Variants in SFSWAP observed in about 807,000 individuals in gnomAD.
SFSWAP encodes splicing factor SWAP.
In SFSWAP, 17 loss-of-function variants were observed where a neutral mutation model predicts 100.7. The ratio of observed to expected loss-of-function variants is 0.17; its 90% CI spans 0.12 to 0.25. The LOEUF is 0.25. Ranked by LOEUF, SFSWAP falls within the 10% of genes least tolerant of loss-of-function variation. SFSWAP has a pLI of 1.00. For missense variants in SFSWAP, 1,005 were observed against 1,262.6 expected, an observed-to-expected ratio of 0.80 and a Z score of 3.09; for synonymous variants, 504 against 510.1, an observed-to-expected ratio of 0.99 and a Z score of 0.16.
intron 7 of SFSWAP, among the ~76,000 whole-genome samples, chr12:131,740,378 G>A (rs562555979): frequency 1.1e-4 from 16 of 152,330 alleles, no homozygotes; most frequent in African/African-American, 3.6e-4. Flanking sequence ...GCCCTGGGAG[G>A]TGGATGCTCT....
At chr12:131,758,405 A>C (rs1882373368) in intron 11 of SFSWAP, among the ~76,000 whole-genome samples, 1 of 152,178 alleles carries the variant, frequency 6.6e-6, no homozygotes, top group Non-Finnish European at 1.5e-5. Context: ...GACAAAACCC[A>C]TGCTAACTCT....
At chr12:131,767,781 T>C (rs964677261) in intron 13 of SFSWAP, among the ~76,000 whole-genome samples, 6 of 152,066 alleles carry the variant, frequency 3.9e-5, no homozygotes, top group Non-Finnish European at 7.4e-5. Context: ...GAGCTAAACA[T>C]TGAGCACACA....
In SFSWAP at chr12:131,711,844, G is replaced by A; in HGVS notation, c.218+397G>A. The A allele has an allele frequency of 4.5e-6, 1 of 221,052 alleles. No homozygotes were observed. Among genetic ancestry groups the A allele is most frequent in the Non-Finnish European group, 9.3e-6 (1 of 107,602 alleles). The allele number at this position is 221,052 out of a possible 1,614,324, so 13.7% of individuals were successfully genotyped here. A position where few individuals can be genotyped will look rare whatever the true frequency, so the allele number is the denominator to read the frequency against. Reference sequence around the variant, plus strand: ...CGTGCGCTGCTTTTCTACTTGCCGCGCTCTCACTGCTCGGTGTACTGGGAG... The same window carrying A: ...CGTGCGCTGCTTTTCTACTTGCCGCACTCTCACTGCTCGGTGTACTGGGAG... On this transcript the variant is annotated intron_variant, in intron 1 of 17. Transcript: ENST00000261674. The surrounding 1 kb of genome is among the most constrained non-coding windows in gnomAD (Gnocchi z 4.9).
chr12:131,777,966 G>GT lies in SFSWAP; in HGVS notation c.2143-96dup. On this transcript the variant is annotated intron_variant, in intron 13 of 17. Transcript: ENST00000261674. ...AGACTTTCTAAGAGATGGTTGCTGT[G>GT]TTTGTTGGTGTGAGGGGCCCAAAGT... 2.0e-6 allele frequency: 3 copies of GT among 1,515,234 alleles called. No homozygotes were observed. In the South Asian group the frequency reaches 4.1e-5, roughly 21 times the overall value. 93.9% of individuals were successfully genotyped at this position (1,515,234 alleles called of 1,614,324 possible).
chr12:131,738,654 T>C (rs1441895128), intron 7 of SFSWAP, among the ~76,000 whole-genome samples: 1 of 152,226 alleles, frequency 6.6e-6, no homozygotes, highest in Non-Finnish European at 1.5e-5. Flanking sequence ...TTTTTAAAGC[T>C]GTGTATTTTT....
At chr12:131,718,240 G>T in intron 3 of SFSWAP, among the ~76,000 whole-genome samples, 1 of 152,302 alleles carries the variant, frequency 6.6e-6, no homozygotes, top group East Asian at 1.9e-4. Flanking sequence ...TTTGACAGGA[G>T]ATCTTTGCAA....
At chr12:131,786,913 G>A (rs549649765) in intron 15 of SFSWAP, among the ~76,000 whole-genome samples, 14 of 152,174 alleles carry the variant, frequency 9.2e-5, no homozygotes, top group Non-Finnish European at 1.8e-4. Context: ...GAGAGGACAG[G>A]AAGGCACAAA....
chr12:131,786,154 T>C (rs1262904849), intron 14 of SFSWAP, among the ~76,000 whole-genome samples: 1 of 152,190 alleles, frequency 6.6e-6, no homozygotes, highest in Admixed American at 6.5e-5. Context: ...TTGGTTGCCA[T>C]TGACCACGTG....
At chr12:131,779,311 G>A (rs1470398175) in intron 14 of SFSWAP, among the ~76,000 whole-genome samples, 7 of 151,492 alleles carry the variant, frequency 4.6e-5, no homozygotes, top group Non-Finnish European at 1.0e-4. Flanking sequence ...AGAGGGCGGC[G>A]CTGGTGCAGA....
chr12:131,737,513 A>G (rs1053648955), intron 7 of SFSWAP, among the ~76,000 whole-genome samples: 37 of 152,192 alleles, frequency 2.4e-4, no homozygotes, highest in Admixed American at 4.6e-4. Context: ...GTATTTTAAT[A>G]ATACGTGCTT....
rs1334460102 is a variant in SFSWAP, at chr12:131,756,602, G to C, written c.1678G>C (p.Ala560Pro). 2.5e-6 allele frequency: 4 copies of C among 1,612,088 alleles called. No individual in the cohort carries two copies. The highest frequency in any genetic ancestry group is 3.4e-6 in the Non-Finnish European group (4 of 1,179,352). ...GGCAGGCTCAGGCGGGAAGAAGGAG[G>C]CATCGTCCAGTAAGACCGTCCCGGA... is the stretch of plus-strand genomic sequence containing the variant. ...ARAGSGGKKE[A>P]SSSKTVPDGK... The change falls in exon 11 of 18, where the codon GCA (alanine) becomes CCA (proline). Residue 560 changes from alanine to proline, a missense_variant. Around this residue, in one of 7 missense-constraint regions of SFSWAP, gnomAD observed 311 missense variants for 317.8 expected, o/e 0.98. Coordinates refer to ENST00000261674, the MANE Select transcript of SFSWAP (RefSeq NM_004592.4).
chr12:131,793,766 A>G (rs753811224), intron 15 of SFSWAP, among the ~76,000 whole-genome samples: 9 of 152,164 alleles, frequency 5.9e-5, no homozygotes, highest in African/African-American at 2.4e-5. Context: ...AAGCCAGCCG[A>G]CTTGACAGAA....
At chr12:131,798,710 T>C (rs554211844) in intron 16 of SFSWAP, among the ~76,000 whole-genome samples, 12 of 152,122 alleles carry the variant, frequency 7.9e-5, no homozygotes, top group African/African-American at 2.9e-4. Flanking sequence ...ACCAATATGG[T>C]GAAACCCCGT....
At chr12:131,767,351 G>T (rs187056046) in intron 13 of SFSWAP, among the ~76,000 whole-genome samples, 136 of 152,250 alleles carry the variant, frequency 8.9e-4, no homozygotes, top group Middle Eastern at 3.4e-3. Flanking sequence ...CTTTATAGTA[G>T]TTATGTCTCT....
intron 7 of SFSWAP, among the ~76,000 whole-genome samples, chr12:131,735,096 C>T (rs894867491): frequency 2.6e-5 from 4 of 152,204 alleles, no homozygotes; most frequent in Non-Finnish European, 4.4e-5. Context: ...TGGCGAGAGG[C>T]TTTCCTGGCT....
chr12:131,788,531 GT>G lies in SFSWAP; in HGVS notation c.2534+1955del, dbSNP rs535826920. On this transcript the variant is annotated intron_variant, in intron 15 of 17. Transcript: ENST00000261674. ...TTTGGTTTTGTTTTCTTTTGGGGGC[GT>G]TTTTTTTTTTTGAGACAGGGTCTCA... Among the ~76,000 whole-genome samples the G allele has an allele frequency of 2.0e-3, 282 of 143,664 alleles. 1 individual carries two copies. Among genetic ancestry groups the G allele is most frequent in the African/African-American group, 4.1e-3 (163 of 39,554 alleles). 94.2% of individuals were successfully genotyped at this position (143,664 alleles called of 152,430 possible).
intron 7 of SFSWAP, among the ~76,000 whole-genome samples, chr12:131,741,246 G>T (rs985596658): frequency 3.3e-5 from 5 of 152,014 alleles, no homozygotes; most frequent in Admixed American, 6.6e-5. Flanking sequence ...GATTACAGGC[G>T]CAAGCCACCG....
chr12:131,792,233 C>T (rs920774917), intron 15 of SFSWAP, among the ~76,000 whole-genome samples: 3 of 145,510 alleles, frequency 2.1e-5, no homozygotes, highest in Non-Finnish European at 4.5e-5. Flanking sequence ...ACTGTGTGTG[C>T]GCCCGTGTGT....
chr12:131,792,010 A>G (rs1455442998), intron 15 of SFSWAP, among the ~76,000 whole-genome samples: 2 of 150,078 alleles, frequency 1.3e-5, no homozygotes, highest in African/African-American at 5.0e-5. Context: ...TGCACAGACC[A>G]GTACAGTGTG....
Sources: gnomAD v4.1 joint callset for allele counts (sites outside exome capture counted in the v4.1 genomes callset) on GRCh38, gnomAD v4.1.1 for gene constraint, gnomAD v4.1.1 regional missense constraint, Gnocchi (gnomAD v3.1) non-coding constraint, MANE v1.5 for transcripts, NCBI Gene and HGNC (gene_info 2026-07-23, HGNC 2026-07-21) for gene names.